RAD51B: variants seen among roughly 807,000 people sequenced by gnomAD.
RAD51B encodes the protein RAD51 paralog B.
RAD51B carries 38 observed loss-of-function variants against 42.2 expected under a neutral mutation model. That is an observed-to-expected ratio of 0.90 (90% CI 0.70 to 1.18). The LOEUF is 1.18. Ranked by LOEUF, RAD51B falls within the 50% of genes most tolerant of loss-of-function variation. RAD51B has a pLI of 0.00. For missense variants in RAD51B, 373 were observed against 400.7 expected (o/e 0.93, Z 0.59); for synonymous variants, 154 against 145.2 (o/e 1.06, Z -0.43).
intron 7 of RAD51B, among the ~76,000 whole-genome samples, chr14:68,219,234 T>C (rs1421919094): frequency 1.3e-5 from 2 of 152,184 alleles, no homozygotes; most frequent in Non-Finnish European, 2.9e-5. Context: ...CGCTAGGAAA[T>C]TGGAATTATT....
chr14:68,158,227 T>G (rs1263395104), intron 7 of RAD51B, among the ~76,000 whole-genome samples: 1 of 152,100 alleles, frequency 6.6e-6, no homozygotes, highest in Admixed American at 6.5e-5. Flanking sequence ...ATATATGAAG[T>G]TATAATGAGT....
chr14:68,259,376 T>C (rs7149567), intron 7 of RAD51B, among the ~76,000 whole-genome samples: 1,524 of 152,010 alleles, frequency 0.01, 20 homozygotes, highest in African/African-American at 0.03. Context: ...GGGTGCAGCA[T>C]ACCAACATGG....
intron 7 of RAD51B, among the ~76,000 whole-genome samples, chr14:68,129,194 G>T (rs1476455120): frequency 6.6e-6 from 1 of 152,128 alleles, no homozygotes; most frequent in Non-Finnish European, 1.5e-5. Context: ...TAGAACCTAG[G>T]TCTCTTGGCT....
chr14:68,404,274 G>GGA (rs2084201887), intron 8 of RAD51B, among the ~76,000 whole-genome samples: 1 of 152,168 alleles, frequency 6.6e-6, no homozygotes, highest in South Asian at 2.1e-4. Context: ...TCATCAAAAA[G>GGA]GAGAGAGAGG....
intron 10 of RAD51B, among the ~76,000 whole-genome samples, chr14:68,641,367 G>T (rs1324947821): frequency 6.6e-6 from 1 of 151,986 alleles, no homozygotes; most frequent in African/African-American, 2.4e-5. Context: ...TAATCCTTTT[G>T]GATTTTCTAC....
intron 5 of RAD51B, among the ~76,000 whole-genome samples, chr14:67,881,160 CT>C (rs1319050792): frequency 1.3e-5 from 2 of 152,134 alleles, no homozygotes; most frequent in Non-Finnish European, 2.9e-5. Flanking sequence ...ACTATATAAG[CT>C]TATGGGACCA....
intron 8 of RAD51B, among the ~76,000 whole-genome samples, chr14:68,402,695 G>C (rs1305048120): frequency 6.6e-6 from 1 of 152,166 alleles, no homozygotes; most frequent in Non-Finnish European, 1.5e-5. Context: ...AGGGCACAGC[G>C]ATTCAAAGAC....
intron 7 of RAD51B, among the ~76,000 whole-genome samples, chr14:68,095,438 T>C (rs1395932009): frequency 6.6e-6 from 1 of 152,174 alleles, no homozygotes; most frequent in Non-Finnish European, 1.5e-5. Context: ...TATAAAGAAG[T>C]CTTCCTCCAT....
At chr14:68,301,378 C>T (rs1427834743) in intron 8 of RAD51B, among the ~76,000 whole-genome samples, 1 of 151,954 alleles carries the variant, frequency 6.6e-6, no homozygotes, top group Non-Finnish European at 1.5e-5. Flanking sequence ...CAATGTAGAC[C>T]CCAGAAAACA....
In RAD51B at chr14:68,680,874, C is replaced by G. The variant is rs116669481; in HGVS notation, c.*11+30018C>G. ...TGTAATATACTAAGTTTAAACTTGG[C>G]AAGCAGATGACATTGTGAGAAATGG... On this transcript the variant is annotated intron_variant, in intron 11 of 11. Transcript: ENST00000488612. Among the ~76,000 whole-genome samples the G allele has an allele frequency of 4.5e-3, 685 of 151,944 alleles. 4 individuals are homozygous for G. The highest frequency in any genetic ancestry group is 0.015 in the African/African-American group (626 of 41,432).
At chr14:68,083,159 A>C (rs2076937636) in intron 7 of RAD51B, among the ~76,000 whole-genome samples, 1 of 152,220 alleles carries the variant, frequency 6.6e-6, no homozygotes, top group Non-Finnish European at 1.5e-5. Context: ...CTTTTAATAA[A>C]GTGAGGTTAA....
At chr14:68,505,076 G>A (rs185662384) in intron 10 of RAD51B, among the ~76,000 whole-genome samples, 6 of 152,304 alleles carry the variant, frequency 3.9e-5, no homozygotes, top group Admixed American at 1.3e-4. Context: ...TCTTGGGTAC[G>A]AAGTTTGACA....
intron 7 of RAD51B, among the ~76,000 whole-genome samples, chr14:68,171,602 C>T (rs2078873429): frequency 6.6e-6 from 1 of 151,564 alleles, no homozygotes; most frequent in Non-Finnish European, 1.5e-5. Flanking sequence ...ACCCAGCCTA[C>T]AGTGTCTTTT....
At chr14:68,496,926 A>G (rs909108092) in intron 10 of RAD51B, among the ~76,000 whole-genome samples, 2 of 152,168 alleles carry the variant, frequency 1.3e-5, no homozygotes, top group Admixed American at 6.5e-5. Flanking sequence ...GAAATTCCAA[A>G]TCTTTTCTGT....
At chr14:68,005,606 T>C (rs1253403774) in intron 7 of RAD51B, among the ~76,000 whole-genome samples, 1 of 152,218 alleles carries the variant, frequency 6.6e-6, no homozygotes, top group African/African-American at 2.4e-5. Context: ...ATTTAACTAC[T>C]ATATTTTAGC....
chr14:68,414,054 G>A (rs12883132), intron 9 of RAD51B, among the ~76,000 whole-genome samples: 19,074 of 152,040 alleles, frequency 0.13, 1,542 homozygotes, highest in East Asian at 0.44. Flanking sequence ...TCTTGAATGT[G>A]AGGCTTAGTT....
In RAD51B at chr14:67,880,274, G is replaced by A. The variant is rs570509289; in HGVS notation, c.453-5595G>A. On this transcript the variant is annotated intron_variant, in intron 5 of 10. Transcript: ENST00000471583. ...TGCCACTTGTTTTTCTTGAAGTGTC[G>A]GGCTTACTTTGCTCATTTTGAGAAA... Among the ~76,000 whole-genome samples the A allele has an allele frequency of 9.1e-4, 138 of 152,056 alleles. 1 individual carries two copies. The highest frequency in any genetic ancestry group is 3.3e-3 in the African/African-American group (136 of 41,456).
At chr14:68,331,799 G>C (rs1477767272) in intron 8 of RAD51B, among the ~76,000 whole-genome samples, 2 of 152,162 alleles carry the variant, frequency 1.3e-5, no homozygotes, top group Non-Finnish European at 2.9e-5. Context: ...ATAGATTCAA[G>C]TGATAATTTC....
intron 7 of RAD51B, among the ~76,000 whole-genome samples, chr14:68,214,089 G>A (rs2079765873): frequency 6.6e-6 from 1 of 152,142 alleles, no homozygotes. Flanking sequence ...CACTCTCAGA[G>A]TCAGGTAAGG....
Sources: allele counts gnomAD v4.1 joint callset (sites outside exome capture counted in the v4.1 genomes callset), GRCh38; gene constraint gnomAD v4.1.1; transcripts MANE v1.5; gene names NCBI Gene and HGNC (gene_info 2026-07-23, HGNC 2026-07-21).